SPINDOC: variants seen among roughly 807,000 people sequenced by gnomAD.
SPINDOC encodes the protein spindlin interactor and repressor of chromatin-binding protein.
Under a neutral mutation model 30.7 loss-of-function variants are expected in SPINDOC, and 13 were observed. The ratio of observed to expected loss-of-function variants is 0.42; its 90% CI spans 0.28 to 0.67. SPINDOC has a LOEUF of 0.67. Among genes scored for constraint, SPINDOC ranks in the 30% least tolerant of loss-of-function variants. The pLI is 0.22. For missense variants in SPINDOC, 438 were observed against 518.0 expected (o/e 0.85, Z 1.50); for synonymous variants, 228 against 211.4 (o/e 1.08, Z -0.68).
At chr11:63,814,404 G>C (rs890438535) in intron 1 of SPINDOC, among the ~76,000 whole-genome samples, 1 of 152,150 alleles carries the variant, frequency 6.6e-6, no homozygotes, top group African/African-American at 2.4e-5. Context: ...GAATGGGACT[G>C]CATACAACAG....
At chr11:63,816,629 C>T (rs559717227) in intron 1 of SPINDOC, among the ~76,000 whole-genome samples, 2 of 152,284 alleles carry the variant, frequency 1.3e-5, no homozygotes, top group Non-Finnish European at 2.9e-5. Context: ...TTGTCCCATC[C>T]TCTCTGGAAG....
At position 63,820,919 on chromosome 11, in the gene SPINDOC, G is replaced by A. The variant is rs547915358; in HGVS notation, c.934+1917G>A. Among the ~76,000 whole-genome samples the A allele has an allele frequency of 2.2e-3, 302 of 134,894 alleles. 1 individual carries two copies. The highest frequency in any genetic ancestry group is 7.0e-3 in the African/African-American group (273 of 38,952). The allele number at this position is 134,894 out of a possible 152,430, so 88.5% of individuals were successfully genotyped here. On this transcript the variant is annotated intron_variant, in intron 5 of 5. Transcript: ENST00000294244. Reference sequence around the variant, plus strand: ...AAAAAAAAAAAAAACAACACACATCGCTTGTGCCTGTAGTCCCAGCCACTT... The same window carrying A: ...AAAAAAAAAAAAAACAACACACATCACTTGTGCCTGTAGTCCCAGCCACTT...
chr11:63,817,860 T>G lies in SPINDOC; in HGVS notation c.183T>G (p.Ser61Arg), dbSNP rs761577443. The change falls in exon 2 of 6, where the codon AGT (serine) becomes AGG (arginine). Residue 61 changes from serine (S) to arginine (R), a missense_variant. By Grantham distance (110) the Ser-to-Arg change is moderately radical (BLOSUM62 -1). Transcript: ENST00000294244. ...PPRPSPLEAGSDGCEEPKQQV... is the reference protein window; with the variant it reads ...PPRPSPLEAGRDGCEEPKQQV... ...GACCCAGCCCGCTAGAGGCAGGCAG[T>G]GATGGCTGTGAGGAGCCGAAGCAGC... 1 of 1,610,236 alleles carries G rather than the reference T, an allele frequency of 6.2e-7. No individual in the cohort carries two copies. The highest frequency in any genetic ancestry group is 8.5e-7 in the Non-Finnish European group (1 of 1,178,482).
In SPINDOC at chr11:63,818,684, C is replaced by T. The variant is rs776702590; in HGVS notation, c.733+32C>T. On this transcript the variant is annotated intron_variant, in intron 4 of 5. Coordinates refer to ENST00000294244, the MANE Select transcript of SPINDOC (RefSeq NM_138471.3). This position sits in a 1 kb window ranked among gnomAD's most constrained non-coding sequence, Gnocchi z 5.3. ...GGGAGGCCCGGGGGAGGCGTGGGCTCTGGCCGCAGTGCTCTGAGGAAATCC... is the reference window on the plus strand; with the variant it reads ...GGGAGGCCCGGGGGAGGCGTGGGCTTTGGCCGCAGTGCTCTGAGGAAATCC... 4.3e-6 allele frequency: 7 copies of T among 1,612,824 alleles called. No individual in the cohort carries two copies. The South Asian group carries it at 7.7e-5, about 18-fold the overall frequency.
chr11:63,821,030 C>T (rs1038517653), intron 5 of SPINDOC, among the ~76,000 whole-genome samples: 6 of 152,026 alleles, frequency 3.9e-5, no homozygotes, highest in Non-Finnish European at 2.9e-5. Flanking sequence ...CCAGCCTGGA[C>T]GACAGAACGA....
intron 1 of SPINDOC, 74 bp downstream of exon 1, chr11:63,813,887 G>T: frequency 1.4e-6 from 2 of 1,410,336 alleles, no homozygotes; most frequent in Non-Finnish European, 1.9e-6. Flanking sequence ...CCCAGTCGGG[G>T]TCCGGGACCC....
intron 5 of SPINDOC, among the ~76,000 whole-genome samples, chr11:63,819,833 A>G (rs2015461146): frequency 6.6e-6 from 1 of 152,122 alleles, no homozygotes; most frequent in Non-Finnish European, 1.5e-5. Flanking sequence ...GTTTCCTGGA[A>G]TTGGTCACTG....
chr11:63,827,014 G>A lies in SPINDOC; in HGVS notation c.1021G>A (p.Asp341Asn). ...EEPPAVSLLQ[D>N]WSRHPQGTKR... ...GCCCCCAGCGGTCAGCCTCCTGCAAGACTGGTCCAGGCACCCCCAGGGCAC... is the reference window on the plus strand; with the variant it reads ...GCCCCCAGCGGTCAGCCTCCTGCAAAACTGGTCCAGGCACCCCCAGGGCAC... The change falls in exon 6 of 6, where the codon GAC becomes AAC. Residue 341 changes from aspartate to asparagine, a missense_variant. Transcript: ENST00000294244. The A allele has an allele frequency of 6.2e-7, 1 of 1,614,182 alleles. No individual in the cohort carries two copies. Among genetic ancestry groups the A allele is most frequent in the Non-Finnish European group, 8.5e-7 (1 of 1,180,022 alleles).
intron 5 of SPINDOC, among the ~76,000 whole-genome samples, chr11:63,826,250 C>T (rs527523472): frequency 1.3e-5 from 2 of 152,268 alleles, no homozygotes; most frequent in African/African-American, 4.8e-5. Flanking sequence ...TGTAACGTAA[C>T]CTTTGCACAC....
At chr11:63,814,246 G>A (rs1016760946) in intron 1 of SPINDOC, among the ~76,000 whole-genome samples, 7 of 152,216 alleles carry the variant, frequency 4.6e-5, no homozygotes, top group Non-Finnish European at 8.8e-5. Context: ...TAGGCCGGAG[G>A]CTACAGGCGG....
At chr11:63,817,134 TA>T (rs754535563) in intron 1 of SPINDOC, among the ~76,000 whole-genome samples, 8 of 151,936 alleles carry the variant, frequency 5.3e-5, no homozygotes, top group Non-Finnish European at 1.0e-4. Context: ...TAAGCTATGA[TA>T]ACACCACTGT....
intron 5 of SPINDOC, among the ~76,000 whole-genome samples, chr11:63,824,898 A>G (rs1196194292): frequency 1.3e-5 from 2 of 152,002 alleles, no homozygotes; most frequent in Non-Finnish European, 2.9e-5. Flanking sequence ...TGCTGTGACC[A>G]CACCCACACA....
intron 5 of SPINDOC, among the ~76,000 whole-genome samples, chr11:63,820,619 C>T (rs567850550): frequency 2.0e-5 from 3 of 151,372 alleles, no homozygotes; most frequent in African/African-American, 4.8e-5. Flanking sequence ...GGGCCGGGCG[C>T]GGTGGCTCAC....
intron 1 of SPINDOC, among the ~76,000 whole-genome samples, chr11:63,814,719 A>G (rs943467270): frequency 2.6e-5 from 4 of 152,214 alleles, no homozygotes; most frequent in Non-Finnish European, 5.9e-5. Flanking sequence ...ACTGCCTGTC[A>G]TCCTTTTTGG....
chr11:63,817,447 G>A (rs770521034), intron 1 of SPINDOC, among the ~76,000 whole-genome samples: 4 of 152,176 alleles, frequency 2.6e-5, no homozygotes, highest in Non-Finnish European at 4.4e-5. Context: ...CAGGGATTGG[G>A]GTTCTGGAAA....
At chr11:63,825,212 G>C (rs1284880297) in intron 5 of SPINDOC, among the ~76,000 whole-genome samples, 1 of 152,142 alleles carries the variant, frequency 6.6e-6, no homozygotes, top group African/African-American at 2.4e-5. Context: ...GAGCCTTCAT[G>C]GTGACTAGTG....
At chr11:63,826,901 C>A in intron 5 of SPINDOC, 27 bp from the exon 6 acceptor site, 1 of 1,183,928 alleles carries the variant, frequency 8.4e-7, no homozygotes, top group Non-Finnish European at 1.3e-6. Flanking sequence ...GGGGCTCTGA[C>A]TGCTCTCTGC....
intron 1 of SPINDOC, 36 bp from the exon 2 acceptor site, chr11:63,817,769 C>T: frequency 1.3e-6 from 2 of 1,505,892 alleles, no homozygotes; most frequent in South Asian, 1.3e-5. Context: ...TTGTGGGCAC[C>T]TTTAGTGATA....
rs926730609 is a variant in SPINDOC, at chr11:63,822,737, A to G, written c.934+3735A>G. Reference sequence around the variant, plus strand: ...GTCCTCTCCGGTGGATCCCTGCTCTAAATGGCTGACCTCTTCCACTGTCTA... The same window carrying G: ...GTCCTCTCCGGTGGATCCCTGCTCTGAATGGCTGACCTCTTCCACTGTCTA... On this transcript the variant is annotated intron_variant, in intron 5 of 5. Coordinates refer to ENST00000294244, the MANE Select transcript of SPINDOC (RefSeq NM_138471.3). The G allele has an allele frequency of 5.1e-5, 66 of 1,288,840 alleles. No homozygotes were observed. In the African/African-American group the frequency reaches 9.7e-4, roughly 19 times the overall value. The allele number at this position is 1,288,840 out of a possible 1,614,324, so 79.8% of individuals were successfully genotyped here. A position where few individuals can be genotyped will look rare whatever the true frequency, so the allele number is the denominator to read the frequency against.
Sources: gnomAD v4.1 joint callset for allele counts (sites outside exome capture counted in the v4.1 genomes callset) on GRCh38, gnomAD v4.1.1 for gene constraint, Gnocchi (gnomAD v3.1) non-coding constraint, MANE v1.5 for transcripts, NCBI Gene and HGNC (gene_info 2026-07-23, HGNC 2026-07-21) for gene names.